The following WBP11 variants were observed in gnomAD, a reference collection of about 807,000 sequenced individuals.
The protein encoded by WBP11 is WW domain binding protein 11, also known as WW domain-binding protein 11.
Under a neutral mutation model 66.7 loss-of-function variants are expected in WBP11, and 12 were observed. The observed-to-expected ratio is 0.18, with a 90% CI of 0.12 to 0.29. The LOEUF is 0.29. WBP11 is among the 10% of genes least tolerant of loss of function. The probability of loss-of-function intolerance (pLI) is 1.00; values close to 1 mark genes in which losing one functional copy is unlikely to be tolerated. For synonymous variants in WBP11, 255 were observed against 273.8 expected, an observed-to-expected ratio of 0.93 and a Z score of 0.68; for missense variants, 555 against 818.3, an observed-to-expected ratio of 0.68 and a Z score of 3.93.
intron 3 of WBP11, 84 bp from the exon 4 acceptor site, chr12:14,799,812 AACT>A: frequency 7.7e-7 from 1 of 1,302,820 alleles, no homozygotes; most frequent in Non-Finnish European, 1.0e-6. Flanking sequence ...TAAACAGAAT[AACT>A]CCTTGGCTTC....
At chr12:14,799,554 T>C in intron 4 of WBP11, 81 bp downstream of exon 4, 1 of 1,290,436 alleles carries the variant, frequency 7.7e-7, no homozygotes, top group Non-Finnish European at 1.1e-6. Context: ...CTGTTTTACT[T>C]ACGCCTATGC....
chr12:14,801,966 G>A (rs1408856338), intron 1 of WBP11: 1 of 152,316 alleles, frequency 6.6e-6, no homozygotes, highest in Non-Finnish European at 1.5e-5. Flanking sequence ...ATTAATTTAA[G>A]CATATTTAAT....
At position 14,786,814 on chromosome 12, in the gene WBP11, CAG is replaced by C. The variant is rs1165583564; in HGVS notation, c.*249_*250del. 8.2e-6 allele frequency: 3 copies of C among 367,130 alleles called. No homozygotes were observed. The highest frequency in any genetic ancestry group is 4.1e-5 in the Admixed American group (1 of 24,282). 22.7% of individuals were successfully genotyped at this position (367,130 alleles called of 1,614,324 possible). ...CAAAGAACTGGAGGAGGGGAAGAAA[CAG>C]GGTGAAAATGGTGGTATGAAAGGGA... On this transcript the variant is annotated 3_prime_UTR_variant, in exon 12 of 12. Transcript: ENST00000261167.
intron 5 of WBP11, 34 bp from the exon 6 acceptor site, chr12:14,795,138 A>G (rs752236430): frequency 2.0e-6 from 3 of 1,523,602 alleles, no homozygotes; most frequent in Non-Finnish European, 2.6e-6. Context: ...GTATGATAAA[A>G]AAGTCATCTA....
In WBP11 at chr12:14,801,448, G is replaced by C. The variant is rs992597652; in HGVS notation, c.-45-20C>G. 1 of 1,482,500 alleles carries C rather than the reference G, an allele frequency of 6.7e-7. No homozygotes were observed. Among genetic ancestry groups the C allele is most frequent in the Non-Finnish European group, 9.4e-7 (1 of 1,066,348 alleles). The allele number at this position is 1,482,500 out of a possible 1,614,324, so 91.8% of individuals were successfully genotyped here. A position where few individuals can be genotyped will look rare whatever the true frequency, so the allele number is the denominator to read the frequency against. ...AAAAACCTGTGAAGGTGAAGACAAA[G>C]AAATAGCTTATATCTCCTAAATGTA... is the stretch of plus-strand genomic sequence containing the variant. On this transcript the variant is annotated intron_variant, in intron 1 of 11. Transcript: ENST00000261167.
At chr12:14,802,856 C>G (rs763571682) in intron 1 of WBP11, among the ~76,000 whole-genome samples, 1 of 152,142 alleles carries the variant, frequency 6.6e-6, no homozygotes, top group Non-Finnish European at 1.5e-5. Flanking sequence ...ATCTCCTCCC[C>G]CACAAATGAA....
At chr12:14,800,818 T>C (rs1369812142) in intron 2 of WBP11, 35 bp from the exon 3 acceptor site, 1 of 1,552,042 alleles carries the variant, frequency 6.4e-7, no homozygotes, top group South Asian at 1.1e-5. Context: ...AATAAAATCT[T>C]TGAATCTTGA....
At chr12:14,799,792 T>C in intron 3 of WBP11, 64 bp from the exon 4 acceptor site, 1 of 1,468,334 alleles carries the variant, frequency 6.8e-7, no homozygotes. Flanking sequence ...TTCAACTTGC[T>C]TTAAGAATCT....
intron 4 of WBP11, among the ~76,000 whole-genome samples, chr12:14,798,376 T>C (rs1484346529): frequency 6.6e-6 from 1 of 152,154 alleles, no homozygotes; most frequent in Non-Finnish European, 1.5e-5. Context: ...AGAAAACTGG[T>C]GGAAAAAAAC....
In WBP11 at chr12:14,785,557, GC is replaced by G. The variant is rs1949744478; in HGVS notation, c.*1507del. On this transcript the variant is annotated 3_prime_UTR_variant, in exon 12 of 12. Coordinates refer to ENST00000261167, the MANE Select transcript of WBP11 (RefSeq NM_016312.3). Reference sequence around the variant, plus strand: ...CCAAAACGGTCTATTTAGTGCTTTGGCAGGATTTGCTTTAATATGAAAGAAT... The same window carrying G: ...CCAAAACGGTCTATTTAGTGCTTTGGAGGATTTGCTTTAATATGAAAGAAT... The G allele has an allele frequency of 6.6e-6, 1 of 152,090 alleles. No homozygotes were observed. Among genetic ancestry groups the G allele is most frequent in the Non-Finnish European group, 1.5e-5 (1 of 67,998 alleles). The allele number at this position is 152,090 out of a possible 1,614,324, so 9.4% of individuals were successfully genotyped here.
chr12:14,803,395 G>A lies in WBP11; in HGVS notation c.-89C>T, dbSNP rs534535799. On this transcript the variant is annotated 5_prime_UTR_variant, in exon 1 of 12. Transcript: ENST00000261167. Reference sequence around the variant, plus strand: ...GGACTACGAGAAGCGGGTAGGGGGCGACTCCCGGCCTCTTTCACTTCGTAA... The same window carrying A: ...GGACTACGAGAAGCGGGTAGGGGGCAACTCCCGGCCTCTTTCACTTCGTAA... The A allele has an allele frequency of 7.5e-6, 3 of 398,730 alleles. No individual in the cohort carries two copies. In the South Asian group the frequency reaches 3.8e-4, roughly 51 times the overall value. 24.7% of individuals were successfully genotyped at this position (398,730 alleles called of 1,614,324 possible).
chr12:14,802,882 A>T (rs1344449861), intron 1 of WBP11, among the ~76,000 whole-genome samples: 1 of 152,328 alleles, frequency 6.6e-6, no homozygotes, highest in East Asian at 1.9e-4. Flanking sequence ...ACGGATACGA[A>T]TTACAGAGAA....
intron 8 of WBP11, among the ~76,000 whole-genome samples, chr12:14,792,831 CAA>C (rs77910025): frequency 1.6e-4 from 12 of 75,102 alleles, no homozygotes; most frequent in Non-Finnish European, 1.7e-4. Context: ...GAGATTGTCT[CAA>C]AAAAAAAAAA....
intron 2 of WBP11, 97 bp from the exon 3 acceptor site, chr12:14,800,880 T>A: frequency 9.1e-7 from 1 of 1,100,720 alleles, no homozygotes; most frequent in African/African-American, 1.6e-5. Flanking sequence ...TGTGGAAAGT[T>A]ACAGTATGCA....
At chr12:14,803,275 TC>T in intron 1 of WBP11, 76 bp downstream of exon 1, 1 of 395,428 alleles carries the variant, frequency 2.5e-6, no homozygotes, top group Non-Finnish European at 4.5e-6. Context: ...GGGCTGGGTG[TC>T]CCCCAAGCCG....
In WBP11 at chr12:14,787,362, T is replaced by C. The variant is rs372302023; in HGVS notation, c.1629A>G (p.Arg543=). The C allele has an allele frequency of 2.3e-5, 37 of 1,608,378 alleles. No individual in the cohort carries two copies. Among genetic ancestry groups the C allele is most frequent in the Non-Finnish European group, 3.1e-5 (37 of 1,175,740 alleles). The change falls in exon 12 of 12, where the codon CGA becomes CGG. Residue 543 remains arginine (R), a synonymous_variant. Transcript: ENST00000261167. ...CTGCACTTGTATCATCCGCCTTGGG[T>C]CGCTGAATCAAGTTGGGTGGGGCAC... is the stretch of plus-strand genomic sequence containing the variant. ...VLSAPPNLIQ[R]PKADDTSAAT...
chr12:14,788,404 T>C (rs978879795), intron 11 of WBP11, among the ~76,000 whole-genome samples: 4 of 152,144 alleles, frequency 2.6e-5, no homozygotes, highest in African/African-American at 9.7e-5. Flanking sequence ...AAATGAAATA[T>C]TAAGTACATT....
intron 10 of WBP11, 105 bp from the exon 11 acceptor site, chr12:14,789,238 A>G: frequency 1.9e-6 from 2 of 1,046,828 alleles, no homozygotes; most frequent in Non-Finnish European, 2.7e-6. Context: ...CTGAAATCAG[A>G]TTAACTTCAA....
At chr12:14,792,677 A>G (rs1157266666) in intron 8 of WBP11, among the ~76,000 whole-genome samples, 1 of 152,092 alleles carries the variant, frequency 6.6e-6, no homozygotes, top group Non-Finnish European at 1.5e-5. Context: ...TACTAAAAAT[A>G]CAAAAATTAG....
Sources: allele counts gnomAD v4.1 joint callset (sites outside exome capture counted in the v4.1 genomes callset), GRCh38; gene constraint gnomAD v4.1.1; transcripts MANE v1.5; gene names NCBI Gene and HGNC (gene_info 2026-07-23, HGNC 2026-07-21).